The following MTUS1 variants were observed in gnomAD, a reference collection of about 807,000 sequenced individuals.
The protein encoded by MTUS1 is microtubule-associated tumor suppressor 1.
In MTUS1, 109 loss-of-function variants were observed where a neutral mutation model predicts 120.8. The observed-to-expected ratio is 0.90, with a 90% confidence interval of 0.77 to 1.06. MTUS1 has a LOEUF of 1.06. Among genes scored for constraint, MTUS1 ranks in the 50% least tolerant of loss-of-function variants. The pLI is 0.00. For synonymous variants in MTUS1, 737 were observed against 550.5 expected, an observed-to-expected ratio of 1.34 and a Z score of -4.74; for missense variants, 2,210 against 1,486.3, an observed-to-expected ratio of 1.49 and a Z score of -8.01.
chr8:17,740,814 G>A (rs189205942), intron 3 of MTUS1, among the ~76,000 whole-genome samples: 28 of 152,294 alleles, frequency 1.8e-4, no homozygotes, highest in Admixed American at 1.8e-3. Flanking sequence ...CTGGCATCCA[G>A]ATGGCCACAT....
intron 6 of MTUS1, among the ~76,000 whole-genome samples, chr8:17,688,017 G>A (rs11203899): frequency 0.42 from 63,881 of 152,050 alleles, 15,261 homozygotes; most frequent in East Asian, 0.62. Context: ...CATACTAGCA[G>A]CTGAGGACAC....
At chr8:17,678,531 T>C (rs1439284579) in intron 7 of MTUS1, among the ~76,000 whole-genome samples, 1 of 152,166 alleles carries the variant, frequency 6.6e-6, no homozygotes, top group Non-Finnish European at 1.5e-5. Context: ...GCCTGCATTT[T>C]TGCTAGCCAC....
chr8:17,649,840 A>C lies in MTUS1; in HGVS notation c.3501+6T>G. 6.1e-5 allele frequency: 88 copies of C among 1,446,884 alleles called. No individual in the cohort carries two copies. Among genetic ancestry groups the C allele is most frequent in the Non-Finnish European group, 8.1e-5 (83 of 1,028,100 alleles). The allele number at this position is 1,446,884 out of a possible 1,614,324, so 89.6% of individuals were successfully genotyped here. Reference sequence around the variant, plus strand: ...AAGATCCTCTTTCATTCTGAAGGAAACATACCAGTTTCTCCATTTTCATTA... The same window carrying C: ...AAGATCCTCTTTCATTCTGAAGGAACCATACCAGTTTCTCCATTTTCATTA... On this transcript the variant is annotated splice_donor_region_variant and intron_variant, in intron 13 of 14. Transcript: ENST00000693296.
intron 6 of MTUS1, among the ~76,000 whole-genome samples, chr8:17,694,347 A>G (rs1185746098): frequency 1.3e-5 from 2 of 152,194 alleles, no homozygotes; most frequent in Non-Finnish European, 2.9e-5. Flanking sequence ...TTGATTGTGG[A>G]TAAATCAGGA....
chr8:17,692,849 A>G (rs1817228425), intron 6 of MTUS1, among the ~76,000 whole-genome samples: 1 of 152,194 alleles, frequency 6.6e-6, no homozygotes. Context: ...CCTGAACCTA[A>G]AAGTTCAAAA....
chr8:17,691,784 A>G (rs1816992429), intron 6 of MTUS1, among the ~76,000 whole-genome samples: 1 of 152,188 alleles, frequency 6.6e-6, no homozygotes, highest in African/African-American at 2.4e-5. Context: ...GAGAAATTGA[A>G]GTTTACTTAC....
At chr8:17,676,146 G>C (rs1329655016) in intron 7 of MTUS1, 2 of 664,300 alleles carry the variant, frequency 3.0e-6, no homozygotes, top group Non-Finnish European at 5.5e-6. Flanking sequence ...CAGCGTTGCA[G>C]AGATCATGAG....
intron 1 of MTUS1, among the ~76,000 whole-genome samples, chr8:17,786,271 C>A (rs768891911): frequency 5.3e-5 from 8 of 152,166 alleles, no homozygotes; most frequent in Admixed American, 1.3e-4. Flanking sequence ...AAAGACCAAG[C>A]CCGATGAGTT....
chr8:17,715,724 A>C, intron 5 of MTUS1, 43 bp downstream of exon 5: 3 of 1,561,392 alleles, frequency 1.9e-6, no homozygotes, highest in Non-Finnish European at 2.6e-6. Context: ...CAAGGACTTT[A>C]AGCGTCTTGC....
At chr8:17,744,862 A>G (rs1351103022) in intron 2 of MTUS1, among the ~76,000 whole-genome samples, 2 of 152,052 alleles carry the variant, frequency 1.3e-5, no homozygotes, top group African/African-American at 2.4e-5. Flanking sequence ...ACTGCCAAGC[A>G]GTAAATCTTT....
intron 1 of MTUS1, among the ~76,000 whole-genome samples, chr8:17,789,418 G>A (rs141096667): frequency 0.012 from 1,769 of 149,028 alleles, 31 homozygotes; most frequent in African/African-American, 0.041. Flanking sequence ...GGGGTAGATC[G>A]CGTGGGCAGG....
chr8:17,745,417 T>C (rs2047668694), intron 2 of MTUS1, among the ~76,000 whole-genome samples: 1 of 152,258 alleles, frequency 6.6e-6, no homozygotes, highest in Admixed American at 6.5e-5. Flanking sequence ...ATTCAGCATG[T>C]AGTAAGTTCA....
chr8:17,781,199 T>A (rs1472599465), intron 1 of MTUS1, among the ~76,000 whole-genome samples: 2 of 152,244 alleles, frequency 1.3e-5, no homozygotes, highest in African/African-American at 4.8e-5. Context: ...AAAGAAATAC[T>A]ACGTTTCAAA....
chr8:17,739,003 C>A (rs1326773643), intron 3 of MTUS1, among the ~76,000 whole-genome samples: 1 of 151,654 alleles, frequency 6.6e-6, no homozygotes, highest in Non-Finnish European at 1.5e-5. Flanking sequence ...ATCAGCTGGG[C>A]ATGCTGACAC....
intron 1 of MTUS1, among the ~76,000 whole-genome samples, chr8:17,780,217 C>A (rs937842428): frequency 6.6e-6 from 1 of 152,156 alleles, no homozygotes; most frequent in Admixed American, 6.5e-5. Context: ...GTGGTACCTC[C>A]CCCGTCCCCT....
At chr8:17,774,780 C>G (rs2050281499) in intron 1 of MTUS1, among the ~76,000 whole-genome samples, 1 of 151,942 alleles carries the variant, frequency 6.6e-6, no homozygotes, top group Non-Finnish European at 1.5e-5. Flanking sequence ...ATCTGTACAT[C>G]CATGTTCACA....
chr8:17,745,541 T>C (rs1206722875), intron 2 of MTUS1, among the ~76,000 whole-genome samples: 2 of 152,236 alleles, frequency 1.3e-5, no homozygotes, highest in Non-Finnish European at 2.9e-5. Context: ...TATTCAATTT[T>C]CATTTTTACT....
intron 1 of MTUS1, among the ~76,000 whole-genome samples, chr8:17,795,939 G>C (rs978122617): frequency 2.0e-5 from 3 of 150,054 alleles, no homozygotes; most frequent in Non-Finnish European, 4.4e-5. Flanking sequence ...CCAGGCCCAA[G>C]AACATTCTTT....
At chr8:17,797,913 AG>A (rs755171886) in intron 1 of MTUS1, among the ~76,000 whole-genome samples, 28 of 152,344 alleles carry the variant, frequency 1.8e-4, no homozygotes, top group Admixed American at 6.5e-4. Flanking sequence ...TTGAGATATC[AG>A]GAAGACGTGT....
Sources: gnomAD v4.1 joint callset for allele counts (sites outside exome capture counted in the v4.1 genomes callset) on GRCh38, gnomAD v4.1.1 for gene constraint, MANE v1.5 for transcripts, NCBI Gene and HGNC (gene_info 2026-07-23, HGNC 2026-07-21) for gene names.